COMMD1: variants seen among roughly 807,000 people sequenced by gnomAD.
The protein encoded by COMMD1 is COMM domain-containing protein 1.
COMMD1 carries 10 observed loss-of-function variants against 17.2 expected under a neutral mutation model. The ratio of observed to expected loss-of-function variants is 0.58; its 90% CI spans 0.36 to 0.99. The LOEUF (loss-of-function observed/expected upper bound fraction) is 0.99, where lower values mean the gene tolerates loss of function less well. Ranked by LOEUF, COMMD1 falls within the 50% of genes least tolerant of loss-of-function variation. The probability of loss-of-function intolerance (pLI) is 0.01; values close to 1 mark genes in which losing one functional copy is unlikely to be tolerated. For synonymous variants in COMMD1, 97 were observed against 91.6 expected (o/e 1.06, Z -0.34); for missense variants, 270 against 231.8 (o/e 1.17, Z -1.07).
intron 2 of COMMD1, among the ~76,000 whole-genome samples, chr2:62,119,879 A>G (rs1672698196): frequency 6.6e-6 from 1 of 152,198 alleles, no homozygotes; most frequent in South Asian, 2.1e-4. Flanking sequence ...TAATCTGTAG[A>G]TTATCATCCT....
chr2:61,956,996 C>T (rs1671215080), intron 1 of COMMD1, among the ~76,000 whole-genome samples: 1 of 152,090 alleles, frequency 6.6e-6, no homozygotes, highest in South Asian at 2.1e-4. Flanking sequence ...AGTGATCCAC[C>T]CGCCTCGGCC....
chr2:61,990,741 C>T (rs974734324), intron 1 of COMMD1, among the ~76,000 whole-genome samples: 12 of 151,988 alleles, frequency 7.9e-5, no homozygotes, highest in African/African-American at 2.9e-4. Context: ...TATTCACTAT[C>T]GTGGCATGGG....
At chr2:61,951,791 T>C (rs1451934730) in intron 1 of COMMD1, among the ~76,000 whole-genome samples, 1 of 152,204 alleles carries the variant, frequency 6.6e-6, no homozygotes, top group African/African-American at 2.4e-5. Flanking sequence ...ATTTCGCCCT[T>C]GATTCTCCCC....
intron 2 of COMMD1, among the ~76,000 whole-genome samples, chr2:62,074,637 A>G (rs1442599616): frequency 6.6e-6 from 1 of 152,200 alleles, no homozygotes; most frequent in Non-Finnish European, 1.5e-5. Context: ...AGCAGTGTCT[A>G]GTTTGTCTTC....
At chr2:61,945,890 C>A (rs953069702) in intron 1 of COMMD1, among the ~76,000 whole-genome samples, 5 of 152,166 alleles carry the variant, frequency 3.3e-5, no homozygotes, top group Non-Finnish European at 7.3e-5. Context: ...TTTTATGCTG[C>A]AGATTAAACT....
chr2:61,987,308 C>T (rs1672130457), intron 1 of COMMD1, among the ~76,000 whole-genome samples: 1 of 152,096 alleles, frequency 6.6e-6, no homozygotes, highest in Admixed American at 6.6e-5. Flanking sequence ...CCATCTAGTA[C>T]ATCTTGTTTT....
intron 1 of COMMD1, among the ~76,000 whole-genome samples, chr2:61,919,136 C>T (rs991000190): frequency 6.6e-6 from 1 of 152,048 alleles, no homozygotes; most frequent in Non-Finnish European, 1.5e-5. Flanking sequence ...CTCAGCCTCC[C>T]GTGTAGCTGG....
intron 1 of COMMD1, among the ~76,000 whole-genome samples, chr2:61,917,693 A>C (rs1670085104): frequency 6.6e-6 from 1 of 151,780 alleles, no homozygotes; most frequent in Non-Finnish European, 1.5e-5. Flanking sequence ...ACGCCCGGCT[A>C]ATTTTGTTTT....
At chr2:62,054,457 A>G (rs1269645314) in intron 2 of COMMD1, among the ~76,000 whole-genome samples, 1 of 152,236 alleles carries the variant, frequency 6.6e-6, no homozygotes, top group Non-Finnish European at 1.5e-5. Context: ...GTGTGCACCA[A>G]TAGATAAATG....
chr2:62,111,824 T>A lies in COMMD1; in HGVS notation c.463-24007T>A, dbSNP rs570507635. 2.6e-5 allele frequency among the ~76,000 whole-genome samples: 4 copies of A among 152,250 alleles called. No individual in the cohort carries two copies. The East Asian group carries it at 7.7e-4, about 29-fold the overall frequency. On this transcript the variant is annotated intron_variant, in intron 2 of 2. Coordinates refer to ENST00000311832, the MANE Select transcript of COMMD1 (RefSeq NM_152516.4). ...GATATTGTTTTTTGAGCCCCAACAGTCCCATTAGTAGTCATCAATACTTTC... is the reference window on the plus strand; with the variant it reads ...GATATTGTTTTTTGAGCCCCAACAGACCCATTAGTAGTCATCAATACTTTC...
At chr2:62,053,248 G>C (rs1220482493) in intron 2 of COMMD1, among the ~76,000 whole-genome samples, 1 of 152,082 alleles carries the variant, frequency 6.6e-6, no homozygotes, top group Non-Finnish European at 1.5e-5. Context: ...TTAAGAAATT[G>C]GGGTCTCTGG....
chr2:61,950,016 A>G (rs896346694), intron 1 of COMMD1, among the ~76,000 whole-genome samples: 1 of 152,214 alleles, frequency 6.6e-6, no homozygotes, highest in African/African-American at 2.4e-5. Context: ...ATCCCTGAGA[A>G]GGAAAGGATC....
intron 2 of COMMD1, among the ~76,000 whole-genome samples, chr2:62,048,168 G>A (rs1245163343): frequency 6.6e-6 from 1 of 150,668 alleles, no homozygotes; most frequent in Non-Finnish European, 1.5e-5. Flanking sequence ...TGATGTGAAT[G>A]AGGAACTAAA....
intron 1 of COMMD1, among the ~76,000 whole-genome samples, chr2:61,916,890 A>C (rs755033763): frequency 3.9e-5 from 6 of 152,200 alleles, no homozygotes; most frequent in Non-Finnish European, 8.8e-5. Flanking sequence ...GGTATGATGT[A>C]AATTGTGAAG....
In COMMD1 at chr2:61,990,877, CAAAAA is replaced by C. The variant is rs139284456; in HGVS notation, c.181-9813_181-9809del. Among the ~76,000 whole-genome samples the C allele has an allele frequency of 3.1e-3, 350 of 111,666 alleles. 4 individuals are homozygous for C. Among genetic ancestry groups the C allele is most frequent in the African/African-American group, 0.01 (300 of 29,190 alleles). The allele number at this position is 111,666 out of a possible 152,430, so 73.3% of individuals were successfully genotyped here. A position where few individuals can be genotyped will look rare whatever the true frequency, so the allele number is the denominator to read the frequency against. On this transcript the variant is annotated intron_variant, in intron 1 of 2. Transcript: ENST00000311832. The stretch of plus-strand genomic sequence containing the variant: ...GCCAAACCATATCACTCTGTCTTTA[CAAAAA>C]AAAAAAAAAATATATATATATACAC...
chr2:61,916,478 A>G (rs966463682), intron 1 of COMMD1, among the ~76,000 whole-genome samples: 1 of 152,098 alleles, frequency 6.6e-6, no homozygotes, highest in African/African-American at 2.4e-5. Flanking sequence ...CTGGAGTGCA[A>G]TGGCGTGATC....
At chr2:61,983,240 A>T (rs1318659489) in intron 1 of COMMD1, among the ~76,000 whole-genome samples, 1 of 137,882 alleles carries the variant, frequency 7.3e-6, no homozygotes, top group Non-Finnish European at 1.5e-5. Context: ...CCCAGGTTGG[A>T]GTGCAGTGGC....
At position 62,077,315 on chromosome 2, in the gene COMMD1, A is replaced by T. The variant is rs1490742399; in HGVS notation, c.463-58516A>T. On this transcript the variant is annotated intron_variant, in intron 2 of 2. Coordinates refer to ENST00000311832, the MANE Select transcript of COMMD1 (RefSeq NM_152516.4). The stretch of plus-strand genomic sequence containing the variant: ...TTTGTTAGGTATACTTGTTAGAATT[A>T]ATATTATAAAAGGAACAAATAGTGA... 2.0e-5 allele frequency among the ~76,000 whole-genome samples: 3 copies of T among 152,358 alleles called. No individual in the cohort carries two copies. The East Asian group carries it at 5.8e-4, about 29-fold the overall frequency.
At chr2:62,043,941 T>G (rs1434959271) in intron 2 of COMMD1, among the ~76,000 whole-genome samples, 1 of 152,236 alleles carries the variant, frequency 6.6e-6, no homozygotes, top group Non-Finnish European at 1.5e-5. Context: ...ACTGTGGCAT[T>G]GAGGAATATC....
Sources: gnomAD v4.1 joint callset for allele counts (sites outside exome capture counted in the v4.1 genomes callset) on GRCh38, gnomAD v4.1.1 for gene constraint, MANE v1.5 for transcripts, NCBI Gene and HGNC (gene_info 2026-07-23, HGNC 2026-07-21) for gene names.